PCDH9: variants seen among roughly 807,000 people sequenced by gnomAD.
PCDH9 encodes the protein protocadherin-9.
PCDH9 carries 24 observed loss-of-function variants against 70.6 expected under a neutral mutation model. That is an observed-to-expected ratio of 0.34 (90% confidence interval 0.25 to 0.48). PCDH9 has a LOEUF of 0.48. Ranked by LOEUF, PCDH9 falls within the 20% of genes least tolerant of loss-of-function variation. The probability of loss-of-function intolerance (pLI) is 0.99; values close to 1 mark genes in which losing one functional copy is unlikely to be tolerated. For missense variants in PCDH9, 1,281 were observed against 1,503.6 expected (o/e 0.85, Z 2.45); for synonymous variants, 562 against 558.5 (o/e 1.01, Z -0.09).
chr13:66,629,119 A>G (rs2077536637), intron 4 of PCDH9, among the ~76,000 whole-genome samples: 1 of 152,240 alleles, frequency 6.6e-6, no homozygotes, highest in Non-Finnish European at 1.5e-5. Context: ...TTCATGAAAC[A>G]TTGTCTTAAT....
chr13:66,984,751 T>C (rs955689159), intron 2 of PCDH9, among the ~76,000 whole-genome samples: 5 of 152,198 alleles, frequency 3.3e-5, no homozygotes, highest in African/African-American at 1.2e-4. Context: ...ATTAAATGAC[T>C]TTGACCATCA....
intron 4 of PCDH9, among the ~76,000 whole-genome samples, chr13:66,316,055 C>T (rs1955646573): frequency 6.6e-6 from 1 of 152,104 alleles, no homozygotes; most frequent in African/African-American, 2.4e-5. Context: ...ATTCAGATTC[C>T]TGTGGTCATC....
intron 3 of PCDH9, among the ~76,000 whole-genome samples, chr13:66,900,608 T>C (rs907343386): frequency 1.3e-5 from 2 of 151,788 alleles, no homozygotes; most frequent in African/African-American, 4.8e-5. Context: ...ACTTCTTACA[T>C]CTAAATTAAG....
intron 3 of PCDH9, among the ~76,000 whole-genome samples, chr13:66,672,980 T>C: frequency 6.6e-6 from 1 of 152,154 alleles, no homozygotes; most frequent in East Asian, 1.9e-4. Context: ...CTTTGGACTG[T>C]GGACTTTTGA....
rs1453656227 is a variant in PCDH9 at position 66,633,335 on chromosome 13, G to C, written c.3139-1924C>G. Among the ~76,000 whole-genome samples, 3 of 152,170 alleles carry C rather than the reference G, an allele frequency of 2.0e-5. No individual in the cohort carries two copies. The South Asian group carries it at 6.2e-4, about 31-fold the overall frequency. ...TAGGTGAGTGCTATAGAAAAGGCAA[G>C]CTAAGCTTGAATATTAATATCTGAA... On this transcript the variant is annotated intron_variant, in intron 3 of 4. Coordinates refer to ENST00000377865, the MANE Select transcript of PCDH9 (RefSeq NM_203487.3).
At chr13:66,470,571 G>A (rs1399949882) in intron 4 of PCDH9, among the ~76,000 whole-genome samples, 2 of 151,912 alleles carry the variant, frequency 1.3e-5, no homozygotes, top group East Asian at 3.9e-4. Context: ...CATCTAAGCA[G>A]GGCTTCACTG....
At chr13:66,629,598 T>A (rs1383032103) in intron 4 of PCDH9, among the ~76,000 whole-genome samples, 2 of 152,210 alleles carry the variant, frequency 1.3e-5, no homozygotes, top group Admixed American at 1.3e-4. Context: ...AAGAGGTTTT[T>A]TCCTTGGGTA....
At chr13:66,588,849 C>A (rs1428982403) in intron 4 of PCDH9, among the ~76,000 whole-genome samples, 1 of 151,052 alleles carries the variant, frequency 6.6e-6, no homozygotes, top group Non-Finnish European at 1.5e-5. Flanking sequence ...GATAAAAATT[C>A]CATTTTTTCA....
At chr13:66,958,686 T>C (rs1034985192) in intron 2 of PCDH9, among the ~76,000 whole-genome samples, 1 of 152,208 alleles carries the variant, frequency 6.6e-6, no homozygotes, top group Non-Finnish European at 1.5e-5. Context: ...TTTATTTTTT[T>C]CATGAAATGA....
At chr13:66,608,612 C>CA (rs1176038511) in intron 4 of PCDH9, among the ~76,000 whole-genome samples, 1 of 151,794 alleles carries the variant, frequency 6.6e-6, no homozygotes, top group Non-Finnish European at 1.5e-5. Flanking sequence ...AGGGAATAGA[C>CA]AGAGTTTGAA....
At chr13:66,322,002 A>T (rs888222004) in intron 4 of PCDH9, among the ~76,000 whole-genome samples, 5 of 151,930 alleles carry the variant, frequency 3.3e-5, no homozygotes, top group Non-Finnish European at 7.4e-5. Flanking sequence ...TGAAGTGGAT[A>T]AAATGATATA....
At chr13:66,791,794 A>G (rs1257373377) in intron 3 of PCDH9, among the ~76,000 whole-genome samples, 1 of 152,180 alleles carries the variant, frequency 6.6e-6, no homozygotes, top group Non-Finnish European at 1.5e-5. Context: ...CTAAACATAT[A>G]TAAACCACAC....
At chr13:66,365,973 G>C (rs1204428042) in intron 4 of PCDH9, among the ~76,000 whole-genome samples, 1 of 152,018 alleles carries the variant, frequency 6.6e-6, no homozygotes, top group Non-Finnish European at 1.5e-5. Flanking sequence ...CATAATGGGA[G>C]ATTAGCATAA....
chr13:66,757,632 C>G (rs1846407399), intron 3 of PCDH9, among the ~76,000 whole-genome samples: 2 of 151,920 alleles, frequency 1.3e-5, no homozygotes, highest in Non-Finnish European at 2.9e-5. Flanking sequence ...CGATATAGAG[C>G]CAAACATATA....
chr13:67,040,542 C>T (rs1160478616), intron 2 of PCDH9, among the ~76,000 whole-genome samples: 1 of 152,008 alleles, frequency 6.6e-6, no homozygotes, highest in African/African-American at 2.4e-5. Context: ...GCAAGAGGGC[C>T]CTCATCAGAA....
intron 4 of PCDH9, among the ~76,000 whole-genome samples, chr13:66,379,383 C>T (rs1956802419): frequency 6.6e-6 from 1 of 151,972 alleles, no homozygotes; most frequent in African/African-American, 2.4e-5. Context: ...AATTAAAGGA[C>T]CAAAGGCTTT....
chr13:67,036,251 G>A (rs1403426761), intron 2 of PCDH9, among the ~76,000 whole-genome samples: 1 of 152,182 alleles, frequency 6.6e-6, no homozygotes, highest in African/African-American at 2.4e-5. Context: ...TTTAGGTACA[G>A]TGAGGTTGGT....
chr13:66,766,816 C>T (rs2079724929), intron 3 of PCDH9, among the ~76,000 whole-genome samples: 1 of 151,922 alleles, frequency 6.6e-6, no homozygotes, highest in African/African-American at 2.4e-5. Context: ...AGCTCAAGTA[C>T]AAATTGATAT....
At chr13:66,546,157 TAC>T (rs1961189159) in intron 4 of PCDH9, among the ~76,000 whole-genome samples, 1 of 149,138 alleles carries the variant, frequency 6.7e-6, no homozygotes, top group Admixed American at 6.7e-5. Context: ...TTTTAAAGTA[TAC>T]TTCTTCTATT....
Sources: gnomAD v4.1 joint callset for allele counts (sites outside exome capture counted in the v4.1 genomes callset) on GRCh38, gnomAD v4.1.1 for gene constraint, MANE v1.5 for transcripts, NCBI Gene and HGNC (gene_info 2026-07-23, HGNC 2026-07-21) for gene names.